The following DIAPH2 variants were observed in gnomAD, a reference collection of about 807,000 sequenced individuals.
DIAPH2 encodes the protein protein diaphanous homolog 2.
In DIAPH2, 35 loss-of-function variants were observed where a neutral mutation model predicts 92.7. The observed-to-expected ratio is 0.38, with a 90% CI of 0.29 to 0.50. DIAPH2 has a LOEUF of 0.50. Among genes scored for constraint, DIAPH2 ranks in the 20% least tolerant of loss-of-function variants. The probability of loss-of-function intolerance (pLI) is 0.94; values close to 1 mark genes in which losing one functional copy is unlikely to be tolerated. For missense variants in DIAPH2, 701 were observed against 819.5 expected (o/e 0.86, Z 1.77); for synonymous variants, 301 against 280.4 (o/e 1.07, Z -0.73).
intron 12 of DIAPH2, 22 bp downstream of exon 12, chrX:96,939,404 A>C: frequency 1.4e-6 from 1 of 695,962 alleles, no homozygotes. Flanking sequence ...TTCTGAGAGT[A>C]CTATATTTAT....
intron 4 of DIAPH2, among the ~76,000 whole-genome samples, chrX:96,784,046 A>G (rs183166416): frequency 5.0e-4 from 56 of 112,204 alleles, no homozygotes; most frequent in African/African-American, 1.8e-3. Context: ...TCTCCCCAGA[A>G]TATTTTATTT....
At chrX:97,209,926 A>G (rs1017006124) in intron 22 of DIAPH2, among the ~76,000 whole-genome samples, 15 of 111,090 alleles carry the variant, frequency 1.4e-4, no homozygotes, top group Admixed American at 7.7e-4. Context: ...TGATGAATAC[A>G]AATTCTTTAT....
chrX:97,225,998 C>T (rs1387341524), intron 22 of DIAPH2, among the ~76,000 whole-genome samples: 1 of 111,456 alleles, frequency 9.0e-6, no homozygotes, highest in Non-Finnish European at 1.9e-5. Flanking sequence ...AACTTACATG[C>T]TTATTGAATA....
intron 22 of DIAPH2, among the ~76,000 whole-genome samples, chrX:97,147,001 G>T (rs62595763): frequency 0.46 from 50,745 of 109,691 alleles, 8,478 homozygotes; most frequent in Non-Finnish European, 0.53. Context: ...TTAAGTTTAC[G>T]TATTTATTTA....
chrX:96,786,991 A>C (rs1235988601), intron 4 of DIAPH2, among the ~76,000 whole-genome samples: 1 of 111,867 alleles, frequency 8.9e-6, no homozygotes, highest in Non-Finnish European at 1.9e-5. Context: ...TTTTTCTTAT[A>C]GTTTATACTG....
intron 24 of DIAPH2, among the ~76,000 whole-genome samples, chrX:97,382,851 C>T (rs772201965): frequency 8.9e-6 from 1 of 112,312 alleles, no homozygotes; most frequent in Non-Finnish European, 1.9e-5. Context: ...ATATAAACCC[C>T]TCCAGGCAAA....
chrX:97,262,064 T>C (rs2068292121), intron 23 of DIAPH2, among the ~76,000 whole-genome samples: 1 of 103,597 alleles, frequency 9.7e-6, no homozygotes, highest in African/African-American at 3.5e-5. Flanking sequence ...ACCCTGTTTT[T>C]TTCAGTGGAG....
intron 4 of DIAPH2, among the ~76,000 whole-genome samples, chrX:96,853,554 G>A (rs2065018047): frequency 9.0e-6 from 1 of 111,244 alleles, no homozygotes; most frequent in African/African-American, 3.3e-5. Context: ...TCACATTAAA[G>A]AGAAATTTCC....
At chrX:97,069,011 G>A (rs186870836) in intron 17 of DIAPH2, among the ~76,000 whole-genome samples, 41 of 111,264 alleles carry the variant, frequency 3.7e-4, no homozygotes, top group African/African-American at 1.2e-3. Context: ...TGTCCAGGCT[G>A]GAATGCAGTG....
Position 97,351,672 on chromosome X carries a change from G to T in DIAPH2, c.3009+3392G>T, listed in dbSNP as rs1294230884. Among the ~76,000 whole-genome samples the T allele has an allele frequency of 3.6e-5, 4 of 110,812 alleles. No individual in the cohort carries two copies. The South Asian group carries it at 1.5e-3, about 42-fold the overall frequency. ...CAAAAAATTAGCCGGGCGTGGTGGCGGGCGCCTGTAGTCCCAGCTACTCGG... is the reference window on the plus strand; with the variant it reads ...CAAAAAATTAGCCGGGCGTGGTGGCTGGCGCCTGTAGTCCCAGCTACTCGG... On this transcript the variant is annotated intron_variant, in intron 24 of 26. Coordinates refer to ENST00000324765, the MANE Select transcript of DIAPH2 (RefSeq NM_006729.5).
chrX:97,594,564 G>A (rs766422745), intron 26 of DIAPH2, among the ~76,000 whole-genome samples: 1 of 112,658 alleles, frequency 8.9e-6, no homozygotes, highest in East Asian at 2.8e-4. Context: ...CTTAGCCTAA[G>A]CTGCAATAGA....
chrX:97,515,532 G>A (rs2070939422), intron 26 of DIAPH2, among the ~76,000 whole-genome samples: 1 of 112,194 alleles, frequency 8.9e-6, no homozygotes, highest in South Asian at 3.7e-4. Flanking sequence ...TCTTGGCTCA[G>A]GAACCCAAAC....
At position 97,031,104 on chromosome X, in the gene DIAPH2, A is replaced by C. The variant is rs180728423; in HGVS notation, c.2051-41837A>C. ...TACTTGTTCTGGCTTTTCAAGGCTC[A>C]CTGATTAACCACCCTTTGCAGCATT... On this transcript the variant is annotated intron_variant, in intron 17 of 26. Coordinates refer to ENST00000324765, the MANE Select transcript of DIAPH2 (RefSeq NM_006729.5). Among the ~76,000 whole-genome samples, 520 of 110,840 alleles carry C rather than the reference A, an allele frequency of 4.7e-3. 2 individuals are homozygous for C. Among genetic ancestry groups the C allele is most frequent in the African/African-American group, 0.016 (502 of 30,512 alleles).
intron 26 of DIAPH2, among the ~76,000 whole-genome samples, chrX:97,481,791 T>C (rs1172942584): frequency 8.9e-6 from 1 of 111,797 alleles, no homozygotes; most frequent in Non-Finnish European, 1.9e-5. Context: ...GTATTTTTCA[T>C]TGATGGTTGA....
intron 22 of DIAPH2, among the ~76,000 whole-genome samples, chrX:97,220,635 C>T (rs1443180469): frequency 3.6e-5 from 4 of 111,444 alleles, no homozygotes; most frequent in African/African-American, 1.3e-4. Context: ...GAAAGAGGCA[C>T]TCCATGGCAC....
intron 17 of DIAPH2, among the ~76,000 whole-genome samples, chrX:97,007,056 A>G (rs985875916): frequency 8.9e-6 from 1 of 111,968 alleles, no homozygotes; most frequent in Admixed American, 9.5e-5. Context: ...GAGAAAACTA[A>G]TAAAAACTCT....
intron 10 of DIAPH2, among the ~76,000 whole-genome samples, chrX:96,936,333 C>T (rs968546013): frequency 9.0e-6 from 1 of 111,316 alleles, no homozygotes; most frequent in African/African-American, 3.3e-5. Context: ...TTTGTTTTAT[C>T]GACCTAATTT....
chrX:97,165,749 C>T (rs1423977476), intron 22 of DIAPH2, among the ~76,000 whole-genome samples: 1 of 109,962 alleles, frequency 9.1e-6, no homozygotes, highest in East Asian at 2.8e-4. Flanking sequence ...GTGATCCTCC[C>T]GCCTCGGCCT....
At chrX:97,469,022 A>T (rs2070539223) in intron 26 of DIAPH2, among the ~76,000 whole-genome samples, 1 of 112,313 alleles carries the variant, frequency 8.9e-6, no homozygotes, top group Non-Finnish European at 1.9e-5. Context: ...TTAGCACCAG[A>T]TTCAGCTACA....
Sources: gnomAD v4.1 joint callset for allele counts (sites outside exome capture counted in the v4.1 genomes callset) on GRCh38, gnomAD v4.1.1 for gene constraint, MANE v1.5 for transcripts, NCBI Gene and HGNC (gene_info 2026-07-23, HGNC 2026-07-21) for gene names.